SOX5: variants seen among roughly 807,000 people sequenced by gnomAD.
The protein encoded by SOX5 is SRY-box transcription factor 5.
A neutral mutation model predicts 92.0 loss-of-function variants in SOX5; 9 were observed. The observed-to-expected ratio is 0.10, with a 90% CI of 0.06 to 0.17. SOX5 has a LOEUF of 0.17. Among genes scored for constraint, SOX5 ranks in the 10% least tolerant of loss-of-function variants. SOX5 has a pLI of 1.00. For synonymous variants in SOX5, 344 were observed against 336.3 expected, an observed-to-expected ratio of 1.02 and a Z score of -0.25; for missense variants, 642 against 944.5, an observed-to-expected ratio of 0.68 and a Z score of 4.20.
chr12:23,784,462 C>A (rs186586839), intron 3 of SOX5, among the ~76,000 whole-genome samples: 248 of 151,978 alleles, frequency 1.6e-3, no homozygotes, highest in Non-Finnish European at 2.3e-3. Context: ...GAGTAGCTGG[C>A]ACTACAGGCA....
intron 3 of SOX5, among the ~76,000 whole-genome samples, 161 bp from the exon 4 acceptor site, chr12:23,755,885 T>A (rs1206902661): frequency 6.6e-6 from 1 of 151,744 alleles, no homozygotes; most frequent in African/African-American, 2.4e-5. Flanking sequence ...AAAGAATGTG[T>A]CCTGTCACCT....
chr12:24,045,643 G>A (rs1956925943), intron 4 of SOX5, among the ~76,000 whole-genome samples: 3 of 152,144 alleles, frequency 2.0e-5, no homozygotes, highest in South Asian at 2.1e-4. Context: ...AAACTGCTAT[G>A]TACTTCCGTT....
intron 1 of SOX5, among the ~76,000 whole-genome samples, chr12:24,537,720 C>T (rs1372848646): frequency 1.3e-5 from 2 of 152,196 alleles, no homozygotes; most frequent in South Asian, 2.1e-4. Context: ...AAATACTCAA[C>T]GCCATTTCAT....
At chr12:24,462,626 C>A (rs1457407939) in intron 1 of SOX5, among the ~76,000 whole-genome samples, 1 of 152,134 alleles carries the variant, frequency 6.6e-6, no homozygotes, top group Non-Finnish European at 1.5e-5. Flanking sequence ...TTTGCCAATT[C>A]TGTGTATAAA....
chr12:24,272,818 T>C (rs568093525), intron 3 of SOX5, among the ~76,000 whole-genome samples: 58 of 152,324 alleles, frequency 3.8e-4, no homozygotes, highest in Non-Finnish European at 6.2e-4. Flanking sequence ...ACAAGAGGAA[T>C]TGGCCTGTAA....
intron 6 of SOX5, among the ~76,000 whole-genome samples, chr12:23,685,349 T>A (rs61925675): frequency 0.06 from 9,163 of 152,118 alleles, 417 homozygotes; most frequent in South Asian, 0.23. Context: ...TTCTGGTTTT[T>A]CCACATAAAG....
chr12:24,505,282 G>A (rs1948609452), intron 1 of SOX5, among the ~76,000 whole-genome samples: 1 of 152,194 alleles, frequency 6.6e-6, no homozygotes, highest in African/African-American at 2.4e-5. Context: ...AAAACCTTGA[G>A]TTGTATCTGG....
intron 1 of SOX5, among the ~76,000 whole-genome samples, chr12:24,425,330 C>A (rs990585840): frequency 1.3e-5 from 2 of 152,192 alleles, no homozygotes; most frequent in African/African-American, 4.8e-5. Flanking sequence ...TAAGTTTTCT[C>A]AGGATTTCAT....
chr12:24,285,594 G>A (rs1823301717), intron 2 of SOX5, among the ~76,000 whole-genome samples: 1 of 152,202 alleles, frequency 6.6e-6, no homozygotes, highest in Non-Finnish European at 1.5e-5. Context: ...CTATTTTAAG[G>A]AGGTAGCTCA....
chr12:24,280,052 A>T lies in SOX5; in HGVS notation c.-173-2740T>A, dbSNP rs544953313. 2.1e-3 allele frequency among the ~76,000 whole-genome samples: 321 copies of T among 152,206 alleles called. 2 individuals carry two copies. Among genetic ancestry groups the T allele is most frequent in the Admixed American group, 3.5e-3 (54 of 15,276 alleles). ...TTTTTTCTCCCACTAGGGACTGTGA[A>T]TCTAATGGACCTAAAATCAATACCT... On this transcript the variant is annotated intron_variant, in intron 2 of 4. Coordinates refer to the SOX5 transcript ENST00000446891.
chr12:24,210,843 ATTTT>A (rs1349120230), intron 4 of SOX5, among the ~76,000 whole-genome samples: 1 of 152,146 alleles, frequency 6.6e-6, no homozygotes, highest in Non-Finnish European at 1.5e-5. Context: ...TATTAAATCT[ATTTT>A]TACTCATAAT....
chr12:24,428,539 A>T (rs1201357513), intron 1 of SOX5, among the ~76,000 whole-genome samples: 1 of 151,944 alleles, frequency 6.6e-6, no homozygotes, highest in Admixed American at 6.6e-5. Flanking sequence ...TCAGAAGCCT[A>T]GGCAAGAGGA....
rs865846431 is a variant in SOX5, at chr12:24,543,823, T to C, written c.-251+18506A>G. On this transcript the variant is annotated intron_variant, in intron 1 of 4. Transcript: ENST00000446891. ...CAGTCTACACTCAATAATGGAAAGA[T>C]CATTTGTACGTATATTTTTAAAGAA... Among the ~76,000 whole-genome samples the C allele has an allele frequency of 5.3e-5, 8 of 152,300 alleles. 1 individual carries two copies. In the Middle Eastern group the frequency reaches 0.02, roughly 389 times the overall value.
At chr12:24,005,160 G>C (rs1401840520) in intron 4 of SOX5, among the ~76,000 whole-genome samples, 2 of 151,560 alleles carry the variant, frequency 1.3e-5, no homozygotes, top group African/African-American at 2.4e-5. Flanking sequence ...GGTGATGGTA[G>C]GTAGCACAGC....
At chr12:24,362,067 G>A (rs181219620) in intron 2 of SOX5, among the ~76,000 whole-genome samples, 2 of 152,128 alleles carry the variant, frequency 1.3e-5, no homozygotes, top group Non-Finnish European at 2.9e-5. Context: ...TCCTCTAGAG[G>A]GTTTGATGGT....
chr12:24,294,927 A>C (rs891840965), intron 2 of SOX5, among the ~76,000 whole-genome samples: 1 of 152,212 alleles, frequency 6.6e-6, no homozygotes, highest in Non-Finnish European at 1.5e-5. Flanking sequence ...AAAACACACC[A>C]GGTCTTAACA....
chr12:23,735,838 T>C (rs1204060304), intron 5 of SOX5, among the ~76,000 whole-genome samples: 6 of 152,242 alleles, frequency 3.9e-5, no homozygotes, highest in Admixed American at 3.9e-4. Flanking sequence ...CTTCTACATT[T>C]ACTTAATATT....
chr12:24,065,126 G>A (rs1026029621), intron 4 of SOX5, among the ~76,000 whole-genome samples: 8 of 152,302 alleles, frequency 5.3e-5, no homozygotes, highest in African/African-American at 1.9e-4. Context: ...ATGTGCGGAT[G>A]TGTAAGGTTC....
intron 4 of SOX5, among the ~76,000 whole-genome samples, chr12:24,002,237 G>T (rs1174628607): frequency 6.6e-6 from 1 of 151,586 alleles, no homozygotes; most frequent in Non-Finnish European, 1.5e-5. Context: ...ATAGAGAATA[G>T]TAAAACAAGA....
Sources: allele counts gnomAD v4.1 joint callset (sites outside exome capture counted in the v4.1 genomes callset), GRCh38; gene constraint gnomAD v4.1.1; transcripts MANE v1.5; gene names NCBI Gene and HGNC (gene_info 2026-07-23, HGNC 2026-07-21).